ENO4: variants seen among roughly 807,000 people sequenced by gnomAD.
ENO4 encodes 2-phospho-D-glycerate hydro-lyase.
Under a neutral mutation model 63.2 loss-of-function variants are expected in ENO4, and 53 were observed. The observed-to-expected ratio is 0.84, with a 90% CI of 0.67 to 1.05. The LOEUF (loss-of-function observed/expected upper bound fraction) is 1.05. Among genes scored for constraint, ENO4 ranks in the 50% least tolerant of loss-of-function variants. The pLI is 0.00. For synonymous variants in ENO4, 266 were observed against 283.8 expected (o/e 0.94, Z 0.63); for missense variants, 719 against 772.0 (o/e 0.93, Z 0.81).
rs1564865080 is a variant in ENO4, at chr10:116,899,542, T to TGG, written c.1195-11956_1195-11955insGG. Among the ~76,000 whole-genome samples, 2 of 94,620 alleles carry TGG rather than the reference T, an allele frequency of 2.1e-5. 1 individual carries two copies. Among genetic ancestry groups the TGG allele is most frequent in the African/African-American group, 6.1e-5 (2 of 32,746 alleles). 62.1% of individuals were successfully genotyped at this position (94,620 alleles called of 152,430 possible). On this transcript the variant is annotated intron_variant, in intron 10 of 10. Transcript: ENST00000369207. ...GTGTGTGTGTGTGTGTGTGTGTGTG[T>TGG]GTGTGAGAGAGTGCATGCATACATA...
chr10:116,904,963 A>T lies in ENO4; in HGVS notation c.1195-6536A>T, dbSNP rs185583320. On this transcript the variant is annotated intron_variant, in intron 10 of 10. Coordinates refer to the ENO4 transcript ENST00000369207. ...ACGCCTGTAATCCCAGCACTTTGGG[A>T]GGCCGAGGCGGGTGGATCATGAGGT... Among the ~76,000 whole-genome samples, 256 of 152,188 alleles carry T rather than the reference A, an allele frequency of 1.7e-3. 2 individuals carry two copies. The highest frequency in any genetic ancestry group is 5.9e-3 in the African/African-American group (245 of 41,532).
At chr10:116,878,713 A>T (rs1486621738) in intron 11 of ENO4, among the ~76,000 whole-genome samples, 4 of 29,532 alleles carry the variant, frequency 1.4e-4, no homozygotes, top group Non-Finnish European at 4.9e-4. Context: ...GTGGTAATAA[A>T]ATAATAGTGC....
intron 12 of ENO4, 127 bp downstream of exon 12, chr10:116,879,485 T>C (rs1012158855): frequency 1.4e-6 from 1 of 707,820 alleles, no homozygotes; most frequent in Non-Finnish European, 2.3e-6. Context: ...TCCTCCCAGA[T>C]AGCTACCTTT....
chr10:116,893,576 G>GCGCGCACACACACACACACACACACA (rs1554905664), intron 10 of ENO4, among the ~76,000 whole-genome samples: 4 of 123,524 alleles, frequency 3.2e-5, no homozygotes, highest in Non-Finnish European at 4.9e-5. Context: ...GCACTCATGT[G>GCGCGCACACACACACACACACACACA]CACACACACA....
At chr10:116,893,576 G>GCA (rs6144113) in intron 10 of ENO4, among the ~76,000 whole-genome samples, 12 of 123,592 alleles carry the variant, frequency 9.7e-5, no homozygotes, top group East Asian at 2.4e-4. Flanking sequence ...GCACTCATGT[G>GCA]CACACACACA....
intron 4 of ENO4, among the ~76,000 whole-genome samples, chr10:116,860,330 G>A (rs895103015): frequency 6.6e-6 from 1 of 152,226 alleles, no homozygotes; most frequent in Non-Finnish European, 1.5e-5. Flanking sequence ...CAAGGCATTG[G>A]TTTGGTGTTG....
chr10:116,886,017 G>A (rs1361531875), downstream of ENO4: 1 of 260,004 alleles, frequency 3.8e-6, no homozygotes, highest in South Asian at 8.2e-5. Context: ...CATTCCATTT[G>A]ATGAGTGGTA....
intron 7 of ENO4, among the ~76,000 whole-genome samples, chr10:116,863,984 G>A (rs1349842340): frequency 8.5e-5 from 13 of 152,184 alleles, no homozygotes; most frequent in Admixed American, 3.3e-4. Context: ...TCTCTGCCTC[G>A]GGTTCCTCAT....
At chr10:116,886,315 C>A (rs1267765206), downstream of ENO4, 5 of 1,551,836 alleles carry the variant, frequency 3.2e-6, no homozygotes, top group South Asian at 5.9e-5. Flanking sequence ...AAAAGGACTT[C>A]CAAACATGTC....
At chr10:116,885,210 T>C (rs1847128897), downstream of ENO4, 1 of 152,648 alleles carries the variant, frequency 6.6e-6, no homozygotes, top group Non-Finnish European at 1.5e-5. Context: ...TGCTGAGCCA[T>C]GCTAACAAAA....
chr10:116,886,881 C>G (rs1212894627), downstream of ENO4, among the ~76,000 whole-genome samples: 1 of 152,228 alleles, frequency 6.6e-6, no homozygotes, highest in Admixed American at 6.5e-5. Flanking sequence ...CATGGACAAA[C>G]TGTGAACTTC....
At chr10:116,911,802 T>G (rs779566302), downstream of ENO4, 2 of 1,612,556 alleles carry the variant, frequency 1.2e-6, no homozygotes. Context: ...GTATTCCTTT[T>G]AGTTCATCCA....
At chr10:116,902,839 CTTGGGTGTCTA>C (rs1316314631) in intron 10 of ENO4, among the ~76,000 whole-genome samples, 1 of 152,200 alleles carries the variant, frequency 6.6e-6, no homozygotes, top group Non-Finnish European at 1.5e-5. Context: ...TTGGGTGTCT[CTTGGGTGTCTA>C]TCCCTAACAA....
chr10:116,877,154 A>T (rs1846861528), intron 11 of ENO4, among the ~76,000 whole-genome samples: 1 of 152,096 alleles, frequency 6.6e-6, no homozygotes, highest in Non-Finnish European at 1.5e-5. Flanking sequence ...CACCAAGCAC[A>T]GCCAAGGAAC....
intron 12 of ENO4, among the ~76,000 whole-genome samples, 190 bp downstream of exon 12, chr10:116,879,548 G>T (rs954672806): frequency 5.3e-5 from 8 of 152,152 alleles, no homozygotes; most frequent in Non-Finnish European, 1.0e-4. Context: ...GAAGTCCAGG[G>T]AAAATGATGA....
intron 10 of ENO4, among the ~76,000 whole-genome samples, chr10:116,890,055 T>A (rs1847287789): frequency 6.6e-6 from 1 of 152,216 alleles, no homozygotes; most frequent in Admixed American, 6.5e-5. Flanking sequence ...CTAGTAGTCA[T>A]GGTGGCAGGT....
intron 11 of ENO4, among the ~76,000 whole-genome samples, chr10:116,876,962 T>C (rs868589715): frequency 2.0e-5 from 3 of 151,990 alleles, no homozygotes; most frequent in Middle Eastern, 3.4e-3. Context: ...ATTAATTAAT[T>C]AATTAATTAA....
intron 4 of ENO4, 72 bp downstream of exon 4, chr10:116,859,210 G>A: frequency 7.0e-7 from 1 of 1,422,254 alleles, no homozygotes; most frequent in Non-Finnish European, 9.2e-7. Flanking sequence ...AGCCTGGACT[G>A]CCTTTCTGAG....
intron 8 of ENO4, among the ~76,000 whole-genome samples, chr10:116,869,729 C>T (rs558029718): frequency 5.9e-5 from 9 of 151,902 alleles, no homozygotes; most frequent in Non-Finnish European, 1.0e-4. Context: ...GAAACTTAGA[C>T]CAACATCAGC....
Sources: gnomAD v4.1 joint callset for allele counts (sites outside exome capture counted in the v4.1 genomes callset) on GRCh38, gnomAD v4.1.1 for gene constraint, MANE v1.5 for transcripts, NCBI Gene and HGNC (gene_info 2026-07-23, HGNC 2026-07-21) for gene names.